The following LIN7A variants were observed in gnomAD, a reference collection of about 807,000 sequenced individuals.
The protein encoded by LIN7A is lin-7 cell polarity scaffold A.
LIN7A carries 25 observed loss-of-function variants against 29.8 expected under a neutral mutation model. The observed-to-expected ratio is 0.84, with a 90% confidence interval of 0.61 to 1.17. LIN7A has a LOEUF of 1.17. LIN7A is among the 50% of genes most tolerant of loss of function. The pLI is 0.00. For synonymous variants in LIN7A, 118 were observed against 107.5 expected, an observed-to-expected ratio of 1.10 and a Z score of -0.60; for missense variants, 239 against 287.0, an observed-to-expected ratio of 0.83 and a Z score of 1.21.
chr12:80,896,351 C>A (rs936982856), intron 1 of LIN7A, among the ~76,000 whole-genome samples: 5 of 152,270 alleles, frequency 3.3e-5, no homozygotes, highest in Admixed American at 3.3e-4. Context: ...TGGCTACTGA[C>A]TTATTACTAG....
chr12:80,935,468 A>T (rs996847832), intron 1 of LIN7A, among the ~76,000 whole-genome samples: 2 of 152,196 alleles, frequency 1.3e-5, no homozygotes, highest in African/African-American at 4.8e-5. Flanking sequence ...TCTGATGTCC[A>T]GAGAGGCTGA....
At chr12:80,876,102 CAGACAGAG>C (rs2120537746) in intron 2 of LIN7A, among the ~76,000 whole-genome samples, 2 of 126,916 alleles carry the variant, frequency 1.6e-5, no homozygotes, top group African/African-American at 5.2e-5. Context: ...AAGAGAGAGA[CAGACAGAG>C]AGACAGAGAG....
At position 80,901,184 on chromosome 12, in the gene LIN7A, T is replaced by C. The variant is rs1592936634; in HGVS notation, c.83-11815A>G. Among the ~76,000 whole-genome samples the C allele has an allele frequency of 2.6e-5, 4 of 152,236 alleles. No homozygotes were observed. In the East Asian group the frequency reaches 5.8e-4, roughly 22 times the overall value. On this transcript the variant is annotated intron_variant, in intron 1 of 5. Coordinates refer to ENST00000552864, the MANE Select transcript of LIN7A (RefSeq NM_004664.4). ...AAACCACTATGTAACAGATTAGCAATATGATATAACTCAACAGTGCACTGC... is the reference window on the plus strand; with the variant it reads ...AAACCACTATGTAACAGATTAGCAACATGATATAACTCAACAGTGCACTGC...
intron 2 of LIN7A, among the ~76,000 whole-genome samples, chr12:80,875,777 T>C (rs1874653457): frequency 6.6e-6 from 1 of 152,216 alleles, no homozygotes; most frequent in Non-Finnish European, 1.5e-5. Context: ...TAATTTTCTG[T>C]TATGATTATA....
intron 4 of LIN7A, among the ~76,000 whole-genome samples, chr12:80,833,261 T>C (rs369883805): frequency 2.0e-5 from 3 of 152,208 alleles, no homozygotes; most frequent in East Asian, 1.9e-4. Flanking sequence ...TTCTGCTGTG[T>C]CAACAAGAGG....
intron 1 of LIN7A, among the ~76,000 whole-genome samples, chr12:80,918,955 G>A (rs559108048): frequency 8.5e-5 from 13 of 152,192 alleles, no homozygotes; most frequent in Non-Finnish European, 1.5e-4. Flanking sequence ...ACTGCCCACA[G>A]TATTCTGTGC....
intron 1 of LIN7A, among the ~76,000 whole-genome samples, chr12:80,925,680 C>T (rs1195582487): frequency 2.6e-5 from 4 of 152,058 alleles, no homozygotes; most frequent in African/African-American, 4.8e-5. Flanking sequence ...GTAGAAAAGC[C>T]GTGATTCAAA....
At chr12:80,889,021 C>A (rs986162865) in intron 2 of LIN7A, among the ~76,000 whole-genome samples, 3 of 151,942 alleles carry the variant, frequency 2.0e-5, no homozygotes, top group African/African-American at 7.3e-5. Flanking sequence ...CTAGGCAGTC[C>A]CTTCATTGGT....
chr12:80,838,910 A>C (rs925216114), intron 4 of LIN7A, among the ~76,000 whole-genome samples: 2 of 152,234 alleles, frequency 1.3e-5, no homozygotes, highest in Non-Finnish European at 2.9e-5. Flanking sequence ...CCGGGAATGC[A>C]AAGTGCCTGG....
intron 2 of LIN7A, among the ~76,000 whole-genome samples, chr12:80,882,744 A>G (rs957089946): frequency 3.9e-5 from 6 of 152,196 alleles, no homozygotes; most frequent in Non-Finnish European, 8.8e-5. Flanking sequence ...TACAATAGCT[A>G]CAATTTCTTA....
chr12:80,934,770 G>C (rs747429174), intron 1 of LIN7A, among the ~76,000 whole-genome samples: 17 of 152,108 alleles, frequency 1.1e-4, no homozygotes, highest in South Asian at 2.1e-4. Context: ...GTAAAATGAA[G>C]ATACCAAAAA....
At chr12:80,871,346 T>C (rs1046020935) in intron 2 of LIN7A, among the ~76,000 whole-genome samples, 16 of 152,160 alleles carry the variant, frequency 1.1e-4, no homozygotes, top group African/African-American at 3.6e-4. Context: ...TACATTAAAA[T>C]GAAATTATGT....
At chr12:80,871,965 CTT>C (rs1565909456) in intron 2 of LIN7A, among the ~76,000 whole-genome samples, 1 of 151,788 alleles carries the variant, frequency 6.6e-6, no homozygotes, top group East Asian at 1.9e-4. Flanking sequence ...AGCATTAACT[CTT>C]TTGACAATTT....
At chr12:80,818,841 A>AG (rs1380593201) in intron 4 of LIN7A, among the ~76,000 whole-genome samples, 9 of 152,242 alleles carry the variant, frequency 5.9e-5, no homozygotes, top group Admixed American at 2.6e-4. Flanking sequence ...AGTCATCTTA[A>AG]GGGTTTCTCT....
chr12:80,903,260 A>G (rs950823127), intron 1 of LIN7A, among the ~76,000 whole-genome samples: 3 of 152,058 alleles, frequency 2.0e-5, no homozygotes, highest in Non-Finnish European at 2.9e-5. Flanking sequence ...ATTTTATTAC[A>G]TGGATATATT....
At position 80,878,958 on chromosome 12, in the gene LIN7A, A is replaced by G. The variant is rs572556996; in HGVS notation, c.201+10293T>C. 3.3e-5 allele frequency among the ~76,000 whole-genome samples: 5 copies of G among 152,316 alleles called. 1 individual carries two copies. The highest frequency in any genetic ancestry group is 9.6e-5 in the African/African-American group (4 of 41,578). ...GTTCTCCAAGTCCCCACACGATCCA[A>G]AAGTCCAGCTGGCTTCACCTCTCAC... On this transcript the variant is annotated intron_variant, in intron 2 of 5. Coordinates refer to ENST00000552864, the MANE Select transcript of LIN7A (RefSeq NM_004664.4).
intron 2 of LIN7A, among the ~76,000 whole-genome samples, chr12:80,876,106 CAGAG>C (rs1565911212): frequency 1.4e-5 from 2 of 142,566 alleles, no homozygotes; most frequent in South Asian, 2.3e-4. Flanking sequence ...GAGAGACAGA[CAGAG>C]AGACAGAGAG....
At chr12:80,933,433 C>G (rs1878028066) in intron 1 of LIN7A, among the ~76,000 whole-genome samples, 1 of 152,136 alleles carries the variant, frequency 6.6e-6, no homozygotes, top group African/African-American at 2.4e-5. Flanking sequence ...TCTTATTAAT[C>G]TAATACACCA....
chr12:80,891,623 G>A (rs925968327), intron 1 of LIN7A, among the ~76,000 whole-genome samples: 1 of 152,162 alleles, frequency 6.6e-6, no homozygotes, highest in Admixed American at 6.5e-5. Context: ...ACAGGCTTGA[G>A]GGGCAGGGGT....
Sources: gnomAD v4.1 joint callset for allele counts (sites outside exome capture counted in the v4.1 genomes callset) on GRCh38, gnomAD v4.1.1 for gene constraint, MANE v1.5 for transcripts, NCBI Gene and HGNC (gene_info 2026-07-23, HGNC 2026-07-21) for gene names.